SCN11A: variants seen among roughly 807,000 people sequenced by gnomAD.
SCN11A encodes the protein sodium voltage-gated channel alpha subunit 11, also known as sodium channel protein type 11 subunit alpha.
Under a neutral mutation model 162.2 loss-of-function variants are expected in SCN11A, and 122 were observed. The observed-to-expected ratio is 0.75, with a 90% confidence interval of 0.65 to 0.87. The LOEUF (loss-of-function observed/expected upper bound fraction) is 0.87, where lower values mean the gene tolerates loss of function less well. Among genes scored for constraint, SCN11A ranks in the 40% least tolerant of loss-of-function variants. The probability of loss-of-function intolerance (pLI) is 0.00; values close to 1 mark genes in which losing one functional copy is unlikely to be tolerated. For missense variants in SCN11A, 2,015 were observed against 2,181.6 expected (o/e 0.92, Z 1.52); for synonymous variants, 758 against 751.5 (o/e 1.01, Z -0.14).
chr3:38,902,216 C>T (rs1260665558), intron 16 of SCN11A, among the ~76,000 whole-genome samples: 1 of 152,200 alleles, frequency 6.6e-6, no homozygotes, highest in African/African-American at 2.4e-5. Context: ...TCAACTGAAA[C>T]AATTTCAGCT....
chr3:38,912,147 C>T (rs183026649), intron 11 of SCN11A, among the ~76,000 whole-genome samples: 224 of 152,256 alleles, frequency 1.5e-3, no homozygotes, highest in African/African-American at 5.1e-3. Flanking sequence ...TCCCAGTGCC[C>T]TCTAACTTCC....
chr3:38,896,909 G>T lies in SCN11A; in HGVS notation c.2339C>A (p.Ala780Glu). 2 of 1,611,830 alleles carry T rather than the reference G, an allele frequency of 1.2e-6. No homozygotes were observed. The highest frequency in any genetic ancestry group is 1.7e-6 in the Non-Finnish European group (2 of 1,179,540). The change falls in exon 18 of 30, where the codon GCG (alanine) becomes GAG (glutamate). Residue 780 changes from alanine (A) to glutamate (E), a missense_variant. Physicochemically the swap from Ala to Glu is moderately radical, Grantham distance 107 (BLOSUM62 -1). Coordinates refer to ENST00000302328, the MANE Select transcript of SCN11A (RefSeq NM_001349253.2). ...AACACACAATGATGATGATGCATTC[G>T]CTTCTTGCATACATTCCCACATATT... The part of the protein sequence containing the change: ...IENMWECMQE[A>E]NASSSLCVIV...
In SCN11A at chr3:38,871,607, G is replaced by A. The variant is rs1575227314; in HGVS notation, c.3597C>T (p.Phe1199=). 2 of 1,612,772 alleles carry A rather than the reference G, an allele frequency of 1.2e-6. No homozygotes were observed. Among genetic ancestry groups the A allele is most frequent in the East Asian group, 2.2e-5 (1 of 44,802 alleles). The part of the protein sequence containing the change: ...WLVFCILGVY[F]FSGKFGKCIN... ...TGCATTTCCCAAATTTTCCAGAAAA[G>A]AAGTATACTCCCAGAATACAAAATA... Residue 1199 remains phenylalanine (F), a synonymous_variant, in exon 25 of 30, where the codon TTC becomes TTT. Transcript: ENST00000302328.
chr3:39,010,765 C>A (rs1166716110), intron 2 of SCN11A, among the ~76,000 whole-genome samples: 6 of 152,142 alleles, frequency 3.9e-5, no homozygotes. Flanking sequence ...TTTTCTGATT[C>A]AGAGACCACT....
At chr3:38,859,625 G>A (rs374733346) in intron 28 of SCN11A, among the ~76,000 whole-genome samples, 34 of 152,090 alleles carry the variant, frequency 2.2e-4, no homozygotes, top group Admixed American at 1.3e-3. Context: ...TTATGGAACC[G>A]CATTTGCAAA....
At chr3:38,986,550 T>C (rs1254523356) in intron 2 of SCN11A, among the ~76,000 whole-genome samples, 1 of 152,128 alleles carries the variant, frequency 6.6e-6, no homozygotes, top group Non-Finnish European at 1.5e-5. Context: ...ACTGAAGATG[T>C]AAAAAGAAAT....
At chr3:38,904,511 A>C (rs1351893100) in intron 15 of SCN11A, among the ~76,000 whole-genome samples, 1 of 152,116 alleles carries the variant, frequency 6.6e-6, no homozygotes, top group African/African-American at 2.4e-5. Context: ...GCTCAAGGGA[A>C]GGGGCATCTA....
intron 4 of SCN11A, among the ~76,000 whole-genome samples, chr3:38,951,510 C>G (rs973129939): frequency 2.0e-5 from 3 of 152,244 alleles, no homozygotes; most frequent in African/African-American, 4.8e-5. Flanking sequence ...CCAGTCCCAT[C>G]GACCGCCCAA....
At chr3:38,902,619 A>G (rs919621574) in intron 16 of SCN11A, among the ~76,000 whole-genome samples, 1 of 151,530 alleles carries the variant, frequency 6.6e-6, no homozygotes, top group African/African-American at 2.4e-5. Flanking sequence ...CCTGGTTCAC[A>G]CCATTCTCCA....
At chr3:38,928,488 G>A (rs2066179002) in intron 7 of SCN11A, among the ~76,000 whole-genome samples, 1 of 152,122 alleles carries the variant, frequency 6.6e-6, no homozygotes. Flanking sequence ...ATACAGCTAT[G>A]TAACAAACCT....
chr3:38,944,627 A>G (rs2066489052), intron 7 of SCN11A, among the ~76,000 whole-genome samples: 1 of 151,546 alleles, frequency 6.6e-6, no homozygotes, highest in African/African-American at 2.4e-5. Context: ...CGCCCAGCCT[A>G]GAAAATCCAT....
chr3:39,030,827 G>T, intron 2 of SCN11A, among the ~76,000 whole-genome samples: 1 of 152,122 alleles, frequency 6.6e-6, no homozygotes, highest in Non-Finnish European at 1.5e-5. Context: ...TTCTTTTAAT[G>T]TATTTTCATG....
At chr3:38,918,924 T>C (rs2066002965) in intron 11 of SCN11A, among the ~76,000 whole-genome samples, 1 of 152,208 alleles carries the variant, frequency 6.6e-6, no homozygotes, top group Non-Finnish European at 1.5e-5. Flanking sequence ...TTTTGTTGTA[T>C]AAACATCATA....
intron 1 of SCN11A, among the ~76,000 whole-genome samples, chr3:39,050,062 G>C (rs2032286653): frequency 6.6e-6 from 1 of 152,182 alleles, no homozygotes; most frequent in African/African-American, 2.4e-5. Context: ...GTGCTCAATA[G>C]ACACTTAAGC....
At chr3:38,907,801 A>C (rs1443633585) in intron 14 of SCN11A, 148 bp downstream of exon 14, 10 of 689,830 alleles carry the variant, frequency 1.4e-5, no homozygotes, top group Non-Finnish European at 2.4e-5. Context: ...GGATAATTGA[A>C]AAGACACATG....
chr3:39,018,890 G>C (rs1286015912), intron 2 of SCN11A, among the ~76,000 whole-genome samples: 2 of 152,178 alleles, frequency 1.3e-5, no homozygotes, highest in African/African-American at 2.4e-5. Context: ...CAGTGATAAA[G>C]TTATGGCAGT....
At chr3:39,033,403 C>T (rs1274504412) in intron 1 of SCN11A, among the ~76,000 whole-genome samples, 1 of 152,078 alleles carries the variant, frequency 6.6e-6, no homozygotes, top group African/African-American at 2.4e-5. Context: ...TTTTATTGCA[C>T]AAAAATGCTT....
At chr3:38,847,810 T>C (rs2064701609) in intron 29 of SCN11A, 68 bp from the exon 30 acceptor site, 1 of 994,364 alleles carries the variant, frequency 1.0e-6, no homozygotes, top group Non-Finnish European at 1.5e-6. Flanking sequence ...GCCTGTCTCC[T>C]GCCTCAGAAT....
chr3:38,972,334 G>T (rs530664587), intron 2 of SCN11A, among the ~76,000 whole-genome samples: 1 of 152,210 alleles, frequency 6.6e-6, no homozygotes, highest in South Asian at 2.1e-4. Context: ...GGTGACCCAG[G>T]TCCTTTTACC....
Sources: gnomAD v4.1 joint callset for allele counts (sites outside exome capture counted in the v4.1 genomes callset) on GRCh38, gnomAD v4.1.1 for gene constraint, MANE v1.5 for transcripts, NCBI Gene and HGNC (gene_info 2026-07-23, HGNC 2026-07-21) for gene names.